The following WDR70 variants were observed in gnomAD, a reference collection of about 807,000 sequenced individuals.
The protein encoded by WDR70 is WD repeat domain 70, also known as WD repeat-containing protein 70.
WDR70 carries 53 observed loss-of-function variants against 88.6 expected under a neutral mutation model. The ratio of observed to expected loss-of-function variants is 0.60; its 90% CI spans 0.48 to 0.75. WDR70 has a LOEUF of 0.75. Ranked by LOEUF, WDR70 falls within the 30% of genes least tolerant of loss-of-function variation. WDR70 has a pLI of 0.00. For synonymous variants in WDR70, 280 were observed against 270.0 expected (o/e 1.04, Z -0.36); for missense variants, 610 against 823.2 (o/e 0.74, Z 3.17).
chr5:37,647,183 A>G (rs1745264351), intron 10 of WDR70, among the ~76,000 whole-genome samples: 1 of 152,078 alleles, frequency 6.6e-6, no homozygotes, highest in Non-Finnish European at 1.5e-5. Context: ...TGTCAGTTGC[A>G]TTTTTCAACT....
intron 11 of WDR70, among the ~76,000 whole-genome samples, chr5:37,698,591 G>A (rs779455420): frequency 2.0e-5 from 3 of 152,122 alleles, no homozygotes; most frequent in Non-Finnish European, 2.9e-5. Flanking sequence ...TCAGTCACTC[G>A]ACTACTGTAT....
At chr5:37,534,943 A>G (rs1458740888) in intron 9 of WDR70, among the ~76,000 whole-genome samples, 2 of 151,962 alleles carry the variant, frequency 1.3e-5, no homozygotes, top group Non-Finnish European at 2.9e-5. Flanking sequence ...CTCAGAGTGT[A>G]GTAATTAGTT....
At chr5:37,522,498 G>A (rs1462490500) in intron 9 of WDR70, among the ~76,000 whole-genome samples, 1 of 150,482 alleles carries the variant, frequency 6.6e-6, no homozygotes, top group African/African-American at 2.4e-5. Flanking sequence ...AAAAAAAGGT[G>A]GCAGTTCCAA....
chr5:37,421,395 C>A (rs1319643323), intron 5 of WDR70, among the ~76,000 whole-genome samples: 1 of 152,240 alleles, frequency 6.6e-6, no homozygotes, highest in African/African-American at 2.4e-5. Context: ...CACCTCTATT[C>A]AGTGGCATTC....
intron 9 of WDR70, among the ~76,000 whole-genome samples, chr5:37,538,288 T>C (rs147109494): frequency 1.3e-5 from 2 of 152,338 alleles, no homozygotes; most frequent in East Asian, 3.9e-4. Flanking sequence ...ACTATGACCA[T>C]GGTGTAGATA....
chr5:37,696,032 C>A (rs1176603626), intron 10 of WDR70, among the ~76,000 whole-genome samples: 1 of 152,148 alleles, frequency 6.6e-6, no homozygotes, highest in Non-Finnish European at 1.5e-5. Flanking sequence ...TCAGTGCTCA[C>A]GTATTACTCT....
rs1231520579 is a variant in WDR70 at position 37,452,415 on chromosome 5, G to A, written c.686+9043G>A. Among the ~76,000 whole-genome samples, 17 of 152,190 alleles carry A rather than the reference G, an allele frequency of 1.1e-4. No homozygotes were observed. The East Asian group carries it at 3.3e-3, about 29-fold the overall frequency. On this transcript the variant is annotated intron_variant, in intron 7 of 17. Transcript: ENST00000265107. ...TGAGGAACTGGGATTACAGGTGCAT[G>A]CCACCATGCCCAGCTAATTTTTGTA...
chr5:37,628,383 A>C (rs1313764476), intron 10 of WDR70, among the ~76,000 whole-genome samples: 1 of 152,150 alleles, frequency 6.6e-6, no homozygotes, highest in African/African-American at 2.4e-5. Context: ...TGCTTTATAT[A>C]TCTGGGTGCT....
At chr5:37,526,580 G>A (rs920173328) in intron 9 of WDR70, among the ~76,000 whole-genome samples, 19 of 152,164 alleles carry the variant, frequency 1.2e-4, no homozygotes, top group Non-Finnish European at 1.5e-4. Flanking sequence ...CACAAGACAG[G>A]GATGCCCTCT....
intron 13 of WDR70, among the ~76,000 whole-genome samples, chr5:37,717,641 G>T (rs111498418): frequency 6.6e-6 from 1 of 152,146 alleles, no homozygotes. Flanking sequence ...TAGCAGGCAC[G>T]TGTCGCATTG....
chr5:37,584,820 G>A (rs116171994), intron 9 of WDR70, among the ~76,000 whole-genome samples: 1,595 of 151,652 alleles, frequency 0.011, 20 homozygotes, highest in African/African-American at 0.036. Context: ...TGTAAGATTT[G>A]TTCTATCCAC....
intron 8 of WDR70, among the ~76,000 whole-genome samples, chr5:37,504,636 C>T (rs781051017): frequency 2.6e-5 from 4 of 152,176 alleles, no homozygotes; most frequent in Non-Finnish European, 4.4e-5. Context: ...GAAAATAATT[C>T]ATTTCTGAAG....
At chr5:37,495,052 G>T (rs1740174079) in intron 8 of WDR70, among the ~76,000 whole-genome samples, 1 of 152,214 alleles carries the variant, frequency 6.6e-6, no homozygotes, top group Non-Finnish European at 1.5e-5. Flanking sequence ...ATAGCAGAGA[G>T]CATGTGGCCC....
At chr5:37,679,011 C>T (rs1393385194) in intron 10 of WDR70, among the ~76,000 whole-genome samples, 1 of 152,252 alleles carries the variant, frequency 6.6e-6, no homozygotes, top group Non-Finnish European at 1.5e-5. Context: ...CCCTTTCTTC[C>T]AGTTGATCAC....
At position 37,516,722 on chromosome 5, in the gene WDR70, T is replaced by C. The variant is rs544635385; in HGVS notation, c.917+132T>C. 5.6e-4 allele frequency: 88 copies of C among 155,914 alleles called. 2 individuals are homozygous for C. The highest frequency in any genetic ancestry group is 2.7e-3 in the African/African-American group (86 of 31,334). 9.7% of individuals were successfully genotyped at this position (155,914 alleles called of 1,614,324 possible). A position where few individuals can be genotyped will look rare whatever the true frequency, so the allele number is the denominator to read the frequency against. On this transcript the variant is annotated intron_variant, in intron 9 of 17. Transcript: ENST00000265107. ...AATTCTTATTATATACATATATATA[T>C]ATATTTTTTTTTTTTTTAAGGGGGA...
chr5:37,516,935 T>G (rs934710460), intron 9 of WDR70, among the ~76,000 whole-genome samples: 13 of 151,880 alleles, frequency 8.6e-5, no homozygotes, highest in African/African-American at 2.9e-4. Context: ...TTGGTCAGGT[T>G]GGTCTCAAAC....
At chr5:37,464,709 A>G (rs1739104610) in intron 7 of WDR70, among the ~76,000 whole-genome samples, 1 of 152,174 alleles carries the variant, frequency 6.6e-6, no homozygotes, top group South Asian at 2.1e-4. Context: ...CTCTGCTATA[A>G]TACTGCCTTG....
At chr5:37,683,082 G>A (rs965995147) in intron 10 of WDR70, among the ~76,000 whole-genome samples, 1 of 152,118 alleles carries the variant, frequency 6.6e-6, no homozygotes, top group African/African-American at 2.4e-5. Flanking sequence ...ACCTGTTACT[G>A]TTATGTAATG....
At chr5:37,392,194 T>TA in intron 4 of WDR70, 74 bp downstream of exon 4, 5 of 1,393,676 alleles carry the variant, frequency 3.6e-6, no homozygotes, top group Non-Finnish European at 4.8e-6. Context: ...TTTTTTTTTT[T>TA]AATTTTTTTG....
Sources: gnomAD v4.1 joint callset for allele counts (sites outside exome capture counted in the v4.1 genomes callset) on GRCh38, gnomAD v4.1.1 for gene constraint, MANE v1.5 for transcripts, NCBI Gene and HGNC (gene_info 2026-07-23, HGNC 2026-07-21) for gene names.